DACH2: variants seen among roughly 807,000 people sequenced by gnomAD.
DACH2 encodes the protein dachshund family transcription factor 2, also known as dachshund homolog 2.
Under a neutral mutation model 35.8 loss-of-function variants are expected in DACH2, and 17 were observed. The observed-to-expected ratio is 0.48, with a 90% CI of 0.33 to 0.71. The LOEUF is 0.71. Ranked by LOEUF, DACH2 falls within the 30% of genes least tolerant of loss-of-function variation. The pLI is 0.02. For synonymous variants in DACH2, 195 were observed against 177.3 expected, an observed-to-expected ratio of 1.10 and a Z score of -0.79; for missense variants, 469 against 472.7, an observed-to-expected ratio of 0.99 and a Z score of 0.07.
chrX:86,264,113 G>A (rs760425371), intron 1 of DACH2, among the ~76,000 whole-genome samples: 3 of 111,809 alleles, frequency 2.7e-5, no homozygotes, highest in Admixed American at 9.5e-5. Context: ...TATAATTTAT[G>A]TATAGTGTAT....
chrX:86,578,728 A>G (rs757577828), intron 3 of DACH2, among the ~76,000 whole-genome samples: 1 of 111,696 alleles, frequency 9.0e-6, no homozygotes, highest in East Asian at 2.8e-4. Context: ...TGCTGTAAAA[A>G]TTATAGTGGG....
chrX:86,708,793 A>G (rs977914540), intron 5 of DACH2, among the ~76,000 whole-genome samples: 2 of 111,621 alleles, frequency 1.8e-5, no homozygotes, highest in African/African-American at 6.5e-5. Context: ...AAATAAAAAC[A>G]CAAAATTGTT....
intron 2 of DACH2, among the ~76,000 whole-genome samples, chrX:86,495,188 C>T (rs1029748442): frequency 7.3e-5 from 8 of 109,900 alleles, no homozygotes; most frequent in African/African-American, 1.3e-4. Context: ...GCTGAGACTA[C>T]GAGCGCCTGC....
chrX:86,486,949 G>A (rs767583378), intron 2 of DACH2, among the ~76,000 whole-genome samples: 13 of 111,944 alleles, frequency 1.2e-4, no homozygotes. Flanking sequence ...AATGGGCTAT[G>A]TGATGGGATC....
intron 1 of DACH2, among the ~76,000 whole-genome samples, chrX:86,371,512 G>A (rs192758686): frequency 1.8e-5 from 2 of 111,004 alleles, no homozygotes; most frequent in East Asian, 5.7e-4. Flanking sequence ...CAGACAAAGC[G>A]TTTGTTTGGA....
intron 1 of DACH2, among the ~76,000 whole-genome samples, chrX:86,233,420 A>G (rs1260899782): frequency 8.9e-6 from 1 of 112,332 alleles, no homozygotes; most frequent in Non-Finnish European, 1.9e-5. Flanking sequence ...AACACCAACT[A>G]GTTGATGTGG....
chrX:86,149,232 C>G, intron 1 of DACH2, 124 bp downstream of exon 1: 1 of 840,122 alleles, frequency 1.2e-6, no homozygotes, highest in Non-Finnish European at 1.6e-6. Context: ...CTATTCTTCA[C>G]GCTGTAAATC....
At chrX:86,289,681 T>C (rs2034232952) in intron 1 of DACH2, among the ~76,000 whole-genome samples, 1 of 105,380 alleles carries the variant, frequency 9.5e-6, no homozygotes, top group Non-Finnish European at 1.9e-5. Context: ...GTTTGGTTTT[T>C]TCTTCTTGCG....
intron 3 of DACH2, among the ~76,000 whole-genome samples, chrX:86,588,151 T>C (rs1390098993): frequency 9.0e-6 from 1 of 111,499 alleles, no homozygotes; most frequent in Non-Finnish European, 1.9e-5. Context: ...TTTATTTTTG[T>C]TGACTTTGTT....
In DACH2 at chrX:86,802,549, A is replaced by G. The variant is rs12388614; in HGVS notation, c.1241-10307A>G. ...GGTTGAAAAAAAAAAAAAAAAAAAAAAAGAAGACTGGATGTCTCCTGGCAG... is the reference window on the plus strand; with the variant it reads ...GGTTGAAAAAAAAAAAAAAAAAAAAGAAGAAGACTGGATGTCTCCTGGCAG... On this transcript the variant is annotated intron_variant, in intron 7 of 11. Transcript: ENST00000373125. Among the ~76,000 whole-genome samples the G allele has an allele frequency of 2.9e-3, 303 of 104,081 alleles. 2 individuals carry two copies. Among genetic ancestry groups the G allele is most frequent in the African/African-American group, 6.6e-3 (187 of 28,418 alleles). The allele number at this position is 104,081 out of a possible 115,157, so 90.4% of individuals were successfully genotyped here. A position where few individuals can be genotyped will look rare whatever the true frequency, so the allele number is the denominator to read the frequency against.
chrX:86,673,357 AAAG>A (rs1179810645), intron 4 of DACH2, among the ~76,000 whole-genome samples: 3 of 107,788 alleles, frequency 2.8e-5, no homozygotes, highest in East Asian at 2.9e-4. Flanking sequence ...AAAAAAAAAA[AAAG>A]AAGAAGAAGA....
rs138933599 is a variant in DACH2 at position 86,705,676 on chromosome X, A to G, written c.932-8872A>G. 4.2e-3 allele frequency among the ~76,000 whole-genome samples: 470 copies of G among 111,503 alleles called. 4 individuals carry two copies. The highest frequency in any genetic ancestry group is 0.015 in the African/African-American group (446 of 30,722). Reference sequence around the variant, plus strand: ...ATTTAGTACAGCCTCTATGGAAAACAATATGGAGATTTCTCAAAGAACTAA... The same window carrying G: ...ATTTAGTACAGCCTCTATGGAAAACGATATGGAGATTTCTCAAAGAACTAA... On this transcript the variant is annotated intron_variant, in intron 5 of 11. Coordinates refer to ENST00000373125, the MANE Select transcript of DACH2 (RefSeq NM_053281.3).
chrX:86,449,210 A>C (rs2037320466), intron 2 of DACH2, among the ~76,000 whole-genome samples: 2 of 62,661 alleles, frequency 3.2e-5, no homozygotes, highest in African/African-American at 1.2e-4. Flanking sequence ...TAGTCTTGCT[A>C]GCGGTCTATC....
chrX:86,227,675 G>A (rs1372503154), intron 1 of DACH2, among the ~76,000 whole-genome samples: 1 of 103,638 alleles, frequency 9.6e-6, no homozygotes, highest in Admixed American at 1.0e-4. Context: ...CACTTACATT[G>A]CACCCTTCCT....
chrX:86,803,522 A>G (rs1171578794), intron 7 of DACH2, among the ~76,000 whole-genome samples: 1 of 111,162 alleles, frequency 9.0e-6, no homozygotes, highest in Non-Finnish European at 1.9e-5. Flanking sequence ...TACATAAATT[A>G]TATATTCATG....
chrX:86,198,300 C>T (rs2147899094), intron 1 of DACH2, among the ~76,000 whole-genome samples: 1 of 111,875 alleles, frequency 8.9e-6, no homozygotes, highest in East Asian at 2.8e-4. Flanking sequence ...TAAACACCCA[C>T]ATCAAAAAGT....
At chrX:86,632,542 A>G (rs1347296477) in intron 3 of DACH2, among the ~76,000 whole-genome samples, 2 of 108,739 alleles carry the variant, frequency 1.8e-5, no homozygotes, top group East Asian at 5.9e-4. Context: ...TATTTTTCAA[A>G]CTATTATGTT....
chrX:86,782,238 A>C (rs1275359933), intron 7 of DACH2, among the ~76,000 whole-genome samples: 12 of 111,791 alleles, frequency 1.1e-4, no homozygotes, highest in African/African-American at 3.9e-4. Context: ...GAAAGAATCA[A>C]TATTGTTAAA....
intron 2 of DACH2, among the ~76,000 whole-genome samples, chrX:86,418,955 C>G (rs761102041): frequency 2.7e-5 from 3 of 111,849 alleles, no homozygotes; most frequent in African/African-American, 9.7e-5. Context: ...CAAAGTTCCA[C>G]AAGTCTCTAG....
Sources: gnomAD v4.1 joint callset for allele counts (sites outside exome capture counted in the v4.1 genomes callset) on GRCh38, gnomAD v4.1.1 for gene constraint, MANE v1.5 for transcripts, NCBI Gene and HGNC (gene_info 2026-07-23, HGNC 2026-07-21) for gene names.